Variants in GHR observed in about 807,000 individuals in gnomAD.
GHR encodes the protein GH receptor.
GHR carries 35 observed loss-of-function variants against 67.1 expected under a neutral mutation model. The ratio of observed to expected loss-of-function variants is 0.52; its 90% CI spans 0.40 to 0.69. The LOEUF (loss-of-function observed/expected upper bound fraction) is 0.69, where lower values mean the gene tolerates loss of function less well. GHR is among the 30% of genes least tolerant of loss of function. GHR has a pLI of 0.00. For synonymous variants in GHR, 272 were observed against 269.1 expected, an observed-to-expected ratio of 1.01 and a Z score of -0.10; for missense variants, 792 against 764.6, an observed-to-expected ratio of 1.04 and a Z score of -0.42.
chr5:42,665,812 C>T (rs12521311), intron 3 of GHR, among the ~76,000 whole-genome samples: 100,081 of 151,752 alleles, frequency 0.66, 34,276 homozygotes, highest in East Asian at 0.82. Context: ...GCTGGTGAGG[C>T]CTCACAGTCA....
intron 3 of GHR, among the ~76,000 whole-genome samples, chr5:42,669,345 T>C (rs1756157053): frequency 6.6e-6 from 1 of 152,212 alleles, no homozygotes; most frequent in Non-Finnish European, 1.5e-5. Flanking sequence ...CATGCAAAAG[T>C]ATATTATCAT....
rs543726322 is a variant in GHR at position 42,509,385 on chromosome 5, C to G, written c.-11-56479C>G. Among the ~76,000 whole-genome samples, 16 of 152,300 alleles carry G rather than the reference C, an allele frequency of 1.1e-4. No individual in the cohort carries two copies. The South Asian group carries it at 3.1e-3, about 30-fold the overall frequency. ...GACAACTCCTCTATCCTCAAGCCTCCAACAATTACTTCTCATACCCTAACT... is the reference window on the plus strand; with the variant it reads ...GACAACTCCTCTATCCTCAAGCCTCGAACAATTACTTCTCATACCCTAACT... On this transcript the variant is annotated intron_variant, in intron 1 of 9. Transcript: ENST00000230882.
chr5:42,719,231 C>G lies in GHR; in HGVS notation c.1724C>G (p.Ala575Gly). 1 of 1,613,968 alleles carries G rather than the reference C, an allele frequency of 6.2e-7. No individual in the cohort carries two copies. Among genetic ancestry groups the G allele is most frequent in the Non-Finnish European group, 8.5e-7 (1 of 1,179,890 alleles). The change falls in exon 10 of 10, where the codon GCT becomes GGT. Residue 575 changes from alanine (A) to glycine (G), a missense_variant. Coordinates refer to ENST00000230882, the MANE Select transcript of GHR (RefSeq NM_000163.5). ...IYITTESLTT[A>G]AGRPGTGEHV... ...ATCACCACAGAAAGCCTTACCACTG[C>G]TGCTGGGAGGCCTGGGACAGGAGAA...
intron 1 of GHR, among the ~76,000 whole-genome samples, chr5:42,477,382 T>C (rs1264130629): frequency 6.6e-6 from 1 of 152,198 alleles, no homozygotes; most frequent in Non-Finnish European, 1.5e-5. Context: ...TTTATAATCC[T>C]TTGGGTATAT....
Position 42,689,035 on chromosome 5 carries a change from C to CTTTCTGATTT in GHR, c.266+18_266+27dup. On this transcript the variant is annotated intron_variant, in intron 4 of 9. Transcript: ENST00000230882. ...ATACCAGAAGGTGCCACCATCATGCCTTTCTGATTTTCCTCTCCATGGATG... is the reference window on the plus strand; with the variant it reads ...ATACCAGAAGGTGCCACCATCATGCCTTTCTGATTTTTTCTGATTTTCCTCTCCATGGATG... 1 of 1,611,710 alleles carries CTTTCTGATTT rather than the reference C, an allele frequency of 6.2e-7. No homozygotes were observed. The highest frequency in any genetic ancestry group is 8.5e-7 in the Non-Finnish European group (1 of 1,177,822).
At chr5:42,514,061 A>G (rs1561088261) in intron 1 of GHR, 1 of 962,744 alleles carries the variant, frequency 1.0e-6, no homozygotes, top group South Asian at 4.8e-5. Context: ...CTTCACCCAG[A>G]ATTTATTTTT....
At chr5:42,428,980 CAGTTCTAA>C (rs944090786) in intron 1 of GHR, among the ~76,000 whole-genome samples, 1 of 152,166 alleles carries the variant, frequency 6.6e-6, no homozygotes, top group Non-Finnish European at 1.5e-5. Context: ...GCCTGTTACC[CAGTTCTAA>C]AGTTGCTTCC....
At chr5:42,431,605 C>A (rs1579685568) in intron 1 of GHR, among the ~76,000 whole-genome samples, 1 of 152,198 alleles carries the variant, frequency 6.6e-6, no homozygotes, top group East Asian at 1.9e-4. Flanking sequence ...GTCTTTCAAA[C>A]TTCCAGATGT....
At chr5:42,662,945 C>A (rs1170069249) in intron 3 of GHR, among the ~76,000 whole-genome samples, 1 of 152,068 alleles carries the variant, frequency 6.6e-6, no homozygotes, top group East Asian at 1.9e-4. Context: ...TGCAAACTAC[C>A]ATCAGAGAAT....
chr5:42,502,546 T>C (rs1746582185), intron 1 of GHR, among the ~76,000 whole-genome samples: 1 of 152,000 alleles, frequency 6.6e-6, no homozygotes, highest in Non-Finnish European at 1.5e-5. Flanking sequence ...TGGTTGGAAC[T>C]TGAAAGGAAT....
chr5:42,581,961 G>A (rs986364567), intron 2 of GHR, among the ~76,000 whole-genome samples: 3 of 152,250 alleles, frequency 2.0e-5, no homozygotes, highest in South Asian at 2.1e-4. Context: ...CCGCTCCGGG[G>A]TGAAGCAAAG....
chr5:42,592,506 A>G (rs568939805), intron 2 of GHR, among the ~76,000 whole-genome samples: 24 of 152,350 alleles, frequency 1.6e-4, no homozygotes, highest in Non-Finnish European at 2.8e-4. Context: ...TATAAATGAG[A>G]ACACGCAGTG....
At chr5:42,547,319 G>C (rs1198312613) in intron 1 of GHR, among the ~76,000 whole-genome samples, 1 of 152,166 alleles carries the variant, frequency 6.6e-6, no homozygotes, top group Admixed American at 6.5e-5. Flanking sequence ...TGTGTTAATA[G>C]TGTGGACAGG....
chr5:42,644,926 G>T (rs541552697), intron 3 of GHR, among the ~76,000 whole-genome samples: 1 of 152,066 alleles, frequency 6.6e-6, no homozygotes, highest in South Asian at 2.1e-4. Context: ...ATTCTCAGGG[G>T]AACCCATGAG....
intron 1 of GHR, among the ~76,000 whole-genome samples, chr5:42,499,887 A>G (rs952311704): frequency 2.6e-5 from 4 of 152,272 alleles, no homozygotes; most frequent in African/African-American, 4.8e-5. Context: ...GGAAGGTCAC[A>G]TAAATGTGTG....
chr5:42,540,514 G>T (rs981172681), intron 1 of GHR, among the ~76,000 whole-genome samples: 1 of 152,066 alleles, frequency 6.6e-6, no homozygotes, highest in African/African-American at 2.4e-5. Flanking sequence ...AACATTCAAA[G>T]AACATAAGCC....
intron 3 of GHR, among the ~76,000 whole-genome samples, chr5:42,636,759 A>G (rs1754214839): frequency 6.6e-6 from 1 of 152,228 alleles, no homozygotes; most frequent in South Asian, 2.1e-4. Flanking sequence ...GAGAAAGCAG[A>G]CATTTACAAA....
intron 2 of GHR, among the ~76,000 whole-genome samples, chr5:42,624,163 T>A (rs1161693083): frequency 2.0e-5 from 3 of 152,214 alleles, no homozygotes; most frequent in Non-Finnish European, 4.4e-5. Flanking sequence ...TGTGAAAATG[T>A]CACCAAATGC....
chr5:42,472,304 T>A (rs1322219746), intron 1 of GHR, among the ~76,000 whole-genome samples: 1 of 152,226 alleles, frequency 6.6e-6, no homozygotes, highest in African/African-American at 2.4e-5. Flanking sequence ...GGTCATGAGC[T>A]TAATTTGAGC....
Sources: allele counts gnomAD v4.1 joint callset (sites outside exome capture counted in the v4.1 genomes callset), GRCh38; gene constraint gnomAD v4.1.1; transcripts MANE v1.5; gene names NCBI Gene and HGNC (gene_info 2026-07-23, HGNC 2026-07-21).